The following TGOLN2 variants were observed in gnomAD, a reference collection of about 807,000 sequenced individuals.
TGOLN2 encodes the protein trans-golgi network protein 2, also known as trans-Golgi network integral membrane protein 2.
Under a neutral mutation model 31.3 loss-of-function variants are expected in TGOLN2, and 19 were observed. The observed-to-expected ratio is 0.61, with a 90% confidence interval of 0.42 to 0.89. TGOLN2 has a LOEUF of 0.89. Among genes scored for constraint, TGOLN2 ranks in the 40% least tolerant of loss-of-function variants. TGOLN2 has a pLI of 0.00. For synonymous variants in TGOLN2, 222 were observed against 226.7 expected (o/e 0.98, Z 0.19); for missense variants, 540 against 559.2 (o/e 0.97, Z 0.35).
At chr2:85,325,896 G>A (rs993901498) in intron 2 of TGOLN2, among the ~76,000 whole-genome samples, 1 of 152,186 alleles carries the variant, frequency 6.6e-6, no homozygotes, top group Non-Finnish European at 1.5e-5. Flanking sequence ...TAAATGTTGG[G>A]GGCTCAATAT....
chr2:85,318,595 A>G lies in TGOLN2; in HGVS notation c.*4141T>C, dbSNP rs1018924469. ...GATCTGGTGCCTCACAGTTTCCTCC[A>G]TGCTGCAATGCTCTAGTTCTCATCA... On this transcript the variant is annotated 3_prime_UTR_variant, in exon 4 of 4. Transcript: ENST00000377386. 2 of 152,272 alleles carry G rather than the reference A, an allele frequency of 1.3e-5. No homozygotes were observed. Among genetic ancestry groups the G allele is most frequent in the African/African-American group, 4.8e-5 (2 of 41,458 alleles). 9.4% of individuals were successfully genotyped at this position (152,272 alleles called of 1,614,324 possible).
In TGOLN2 at chr2:85,318,444, T is replaced by G. The variant is rs182304471; in HGVS notation, c.*4292A>C. On this transcript the variant is annotated 3_prime_UTR_variant, in exon 4 of 4. Coordinates refer to ENST00000377386, the MANE Select transcript of TGOLN2 (RefSeq NM_006464.4). ...TGCAGAACTAGACGAGTTGAGTCACTGTTAGCTCTGGATATACCGTTAAAT... is the reference window on the plus strand; with the variant it reads ...TGCAGAACTAGACGAGTTGAGTCACGGTTAGCTCTGGATATACCGTTAAAT... 1 of 152,252 alleles carries G rather than the reference T, an allele frequency of 6.6e-6. No individual in the cohort carries two copies. Among genetic ancestry groups the G allele is most frequent in the African/African-American group, 2.4e-5 (1 of 41,462 alleles). 9.4% of individuals were successfully genotyped at this position (152,252 alleles called of 1,614,324 possible). A position where few individuals can be genotyped will look rare whatever the true frequency, so the allele number is the denominator to read the frequency against.
Position 85,327,306 on chromosome 2 carries a change from C to T in TGOLN2, c.426G>A (p.Ala142=). ...TPKDSTGKSG[A]EAQTPEDSPN... is the part of the protein sequence containing the mutation. ...GGCTGTCTTCTGGGGTCTGCGCCTC[C>T]GCACCCGATTTGCCAGTGCTGTCTT... The change falls in exon 2 of 4, where the codon GCG becomes GCA. Residue 142 remains alanine, a synonymous_variant. Coordinates refer to ENST00000377386, the MANE Select transcript of TGOLN2 (RefSeq NM_006464.4). The T allele has an allele frequency of 6.2e-7, 1 of 1,611,150 alleles. No homozygotes were observed.
chr2:85,327,704 TTA>T lies in TGOLN2; in HGVS notation c.47-21_47-20del, dbSNP rs1558675341. ...ACGGCTCCTGAAATAGAAAAACGAG[TTA>T]GCACCGGAGAAGGGCAGGCGGGAAG... On this transcript the variant is annotated intron_variant, in intron 1 of 3. Coordinates refer to ENST00000377386, the MANE Select transcript of TGOLN2 (RefSeq NM_006464.4). 1 of 1,602,400 alleles carries T rather than the reference TTA, an allele frequency of 6.2e-7. No individual in the cohort carries two copies. The highest frequency in any genetic ancestry group is 8.5e-7 in the Non-Finnish European group (1 of 1,173,926).
At chr2:85,324,690 C>A in intron 3 of TGOLN2, 2 of 571,174 alleles carry the variant, frequency 3.5e-6, no homozygotes. Flanking sequence ...AGGGAGGTAG[C>A]TGCTGTAGAG....
rs972458993 is a variant in TGOLN2 at position 85,318,941 on chromosome 2, C to T, written c.*3795G>A. The T allele has an allele frequency of 6.6e-6, 1 of 152,194 alleles. No individual in the cohort carries two copies. The highest frequency in any genetic ancestry group is 2.4e-5 in the African/African-American group (1 of 41,444). The allele number at this position is 152,194 out of a possible 1,614,324, so 9.4% of individuals were successfully genotyped here. A position where few individuals can be genotyped will look rare whatever the true frequency, so the allele number is the denominator to read the frequency against. On this transcript the variant is annotated 3_prime_UTR_variant, in exon 4 of 4. Coordinates refer to ENST00000377386, the MANE Select transcript of TGOLN2 (RefSeq NM_006464.4). ...ACAGATGTGTCTAATAGAAATCACC[C>T]TTCACCCAAAAGCTGGGCGCAGAAA...
At position 85,319,178 on chromosome 2, in the gene TGOLN2, CTTTTTTTTTT is replaced by C. The variant is rs560005151; in HGVS notation, c.*3548_*3557del. 1.5e-5 allele frequency: 2 copies of C among 136,022 alleles called. No homozygotes were observed. The highest frequency in any genetic ancestry group is 7.4e-5 in the Admixed American group (1 of 13,510). The allele number at this position is 136,022 out of a possible 1,614,324, so 8.4% of individuals were successfully genotyped here. ...GTATTTTCTTCAATGCTATTTCTTTCTTTTTTTTTTTTTTTTTTGAGACGGAGTCTCGCTC... is the reference window on the plus strand; with the variant it reads ...GTATTTTCTTCAATGCTATTTCTTTCTTTTTTTTGAGACGGAGTCTCGCTC... On this transcript the variant is annotated 3_prime_UTR_variant, in exon 4 of 4. Transcript: ENST00000377386.
Position 85,327,495 on chromosome 2 carries a change from G to A in TGOLN2, c.237C>T (p.Asp79=). ...CCTCCGCACCCGACTTGTTGGGGGT[G>A]TCTTCTGGGGTCTGCGCCTCCGCAC... ...KSSAEAQTPE[D]TPNKSGAEAK... is the part of the protein sequence containing the mutation. Residue 79 remains aspartate (D), a synonymous_variant, in exon 2 of 4, where the codon GAC becomes GAT. Coordinates refer to ENST00000377386, the MANE Select transcript of TGOLN2 (RefSeq NM_006464.4). The A allele has an allele frequency of 6.2e-7, 1 of 1,613,860 alleles. No individual in the cohort carries two copies. The highest frequency in any genetic ancestry group is 8.5e-7 in the Non-Finnish European group (1 of 1,179,848).
chr2:85,322,513 C>T lies in TGOLN2; in HGVS notation c.*223G>A. The T allele has an allele frequency of 2.5e-6, 2 of 811,202 alleles. No homozygotes were observed. Among genetic ancestry groups the T allele is most frequent in the Non-Finnish European group, 3.8e-6 (2 of 529,292 alleles). The allele number at this position is 811,202 out of a possible 1,614,324, so 50.3% of individuals were successfully genotyped here. A position where few individuals can be genotyped will look rare whatever the true frequency, so the allele number is the denominator to read the frequency against. On this transcript the variant is annotated 3_prime_UTR_variant, in exon 4 of 4. Coordinates refer to ENST00000377386, the MANE Select transcript of TGOLN2 (RefSeq NM_006464.4). The stretch of plus-strand genomic sequence containing the variant: ...GAACAATGTCACCAAAGTGCAGGTG[C>T]AAAGCCCAAAGCAGCCCCCTACCTC...
In TGOLN2 at chr2:85,327,223, G is replaced by A. The variant is rs1682776266; in HGVS notation, c.509C>T (p.Ser170Leu). Residue 170 changes from serine (S) to leucine (L), a missense_variant, in exon 2 of 4, where the codon TCG becomes TTG. Coordinates refer to ENST00000377386, the MANE Select transcript of TGOLN2 (RefSeq NM_006464.4). ...TQKDSPSKSG[S>L]EAQTTKDVPN... ...GACATCTTTTGTGGTCTGCGCCTCC[G>A]AACCTGACTTGCTAGGGCTGTCTTT... The A allele has an allele frequency of 6.2e-7, 1 of 1,613,638 alleles. No homozygotes were observed. The highest frequency in any genetic ancestry group is 8.5e-7 in the Non-Finnish European group (1 of 1,179,814).
intron 2 of TGOLN2, among the ~76,000 whole-genome samples, chr2:85,325,622 C>T (rs1302890460): frequency 6.6e-6 from 1 of 152,180 alleles, no homozygotes; most frequent in African/African-American, 2.4e-5. Context: ...GGACCACACA[C>T]GTCCACCACC....
chr2:85,326,819 T>C lies in TGOLN2; in HGVS notation c.913A>G (p.Ile305Val). 1.2e-6 allele frequency: 2 copies of C among 1,613,972 alleles called. No homozygotes were observed. The highest frequency in any genetic ancestry group is 1.7e-6 in the Non-Finnish European group (2 of 1,179,886). Residue 305 changes from isoleucine (I) to valine (V), a missense_variant, in exon 2 of 4, where the codon ATT (isoleucine) becomes GTT (valine). Coordinates refer to ENST00000377386, the MANE Select transcript of TGOLN2 (RefSeq NM_006464.4). ...TTAACTTCCTCCTGCGGGGGAGAAA[T>C]GAGGTCAGTTTCCTCCCCAGATTCG... ...KTESGEETDL[I>V]SPPQEEVKSS...
chr2:85,321,814 C>G lies in TGOLN2; in HGVS notation c.*922G>C, dbSNP rs1479119204. 1.3e-5 allele frequency: 2 copies of G among 152,168 alleles called. No homozygotes were observed. The highest frequency in any genetic ancestry group is 3.8e-4 in the East Asian group (2 of 5,198). The allele number at this position is 152,168 out of a possible 1,614,324, so 9.4% of individuals were successfully genotyped here. On this transcript the variant is annotated 3_prime_UTR_variant, in exon 4 of 4. Transcript: ENST00000377386. ...AAAAGCCCTTTGGAAAAACTGCAGA[C>G]CAAAACCAAAACCCTCCTTCATGTT... is the stretch of plus-strand genomic sequence containing the variant.
chr2:85,326,320 G>A (rs181734063), intron 2 of TGOLN2, among the ~76,000 whole-genome samples, 188 bp downstream of exon 2: 4 of 152,292 alleles, frequency 2.6e-5, no homozygotes, highest in African/African-American at 9.6e-5. Flanking sequence ...AGAGTAAACA[G>A]GTGACAGGAT....
At position 85,321,235 on chromosome 2, in the gene TGOLN2, G is replaced by C. The variant is rs1367543052; in HGVS notation, c.*1501C>G. 1 of 152,546 alleles carries C rather than the reference G, an allele frequency of 6.6e-6. No individual in the cohort carries two copies. The highest frequency in any genetic ancestry group is 1.5e-5 in the Non-Finnish European group (1 of 68,056). The allele number at this position is 152,546 out of a possible 1,614,324, so 9.4% of individuals were successfully genotyped here. A position where few individuals can be genotyped will look rare whatever the true frequency, so the allele number is the denominator to read the frequency against. ...TGGTGCAAAGTATTATAAGACTAAC[G>C]CATCAGTACAGAGAATGACCCAAGA... On this transcript the variant is annotated 3_prime_UTR_variant, in exon 4 of 4. Transcript: ENST00000377386.
intron 3 of TGOLN2, among the ~76,000 whole-genome samples, chr2:85,324,188 C>G (rs932592110): frequency 6.6e-6 from 1 of 152,074 alleles, no homozygotes; most frequent in Non-Finnish European, 1.5e-5. Flanking sequence ...TTTGGGAGGT[C>G]GAGGCGGGCG....
rs183006751 is a variant in TGOLN2 at position 85,320,600 on chromosome 2, C to T, written c.*2136G>A. ...GAAATTCCTTTCAATGACAACCAAG[C>T]TGAACTATTCGATACCAGCAGAACT... On this transcript the variant is annotated 3_prime_UTR_variant, in exon 4 of 4. Transcript: ENST00000377386. 6.6e-6 allele frequency: 1 copy of T among 152,190 alleles called. No homozygotes were observed. The highest frequency in any genetic ancestry group is 6.5e-5 in the Admixed American group (1 of 15,278). The allele number at this position is 152,190 out of a possible 1,614,324, so 9.4% of individuals were successfully genotyped here.
In TGOLN2 at chr2:85,322,751, A is replaced by G. The variant is rs3637; in HGVS notation, c.1309-10T>C. 611,708 of 1,606,052 alleles carry G rather than the reference A, an allele frequency of 0.38. 122,071 individuals carry two copies. The highest frequency in any genetic ancestry group is 0.6 in the Admixed American group (34,656 of 58,084). ...TACCATTCTGTTAGGACTTAGGGGA[A>G]AAAAGATCTTTTAGGAGGTGCAGGG... On this transcript the variant is annotated splice_polypyrimidine_tract_variant and intron_variant, in intron 3 of 3. Coordinates refer to ENST00000377386, the MANE Select transcript of TGOLN2 (RefSeq NM_006464.4).
chr2:85,322,520 C>A lies in TGOLN2; in HGVS notation c.*216G>T. ...GTCACCAAAGTGCAGGTGCAAAGCC[C>A]AAAGCAGCCCCCTACCTCTGCCAGC... is the stretch of plus-strand genomic sequence containing the variant. On this transcript the variant is annotated 3_prime_UTR_variant, in exon 4 of 4. Coordinates refer to ENST00000377386, the MANE Select transcript of TGOLN2 (RefSeq NM_006464.4). The A allele has an allele frequency of 1.1e-6, 1 of 916,270 alleles. No homozygotes were observed. Among genetic ancestry groups the A allele is most frequent in the South Asian group, 1.6e-5 (1 of 60,618 alleles). 56.8% of individuals were successfully genotyped at this position (916,270 alleles called of 1,614,324 possible).
Sources: allele counts gnomAD v4.1 joint callset (sites outside exome capture counted in the v4.1 genomes callset), GRCh38; gene constraint gnomAD v4.1.1; transcripts MANE v1.5; gene names NCBI Gene and HGNC (gene_info 2026-07-23, HGNC 2026-07-21).